The following LRFN3 variants were observed in gnomAD, a reference collection of about 807,000 sequenced individuals.
The protein encoded by LRFN3 is leucine rich repeat and fibronectin type III domain containing 3.
LRFN3 carries 8 observed loss-of-function variants against 23.8 expected under a neutral mutation model. The observed-to-expected ratio is 0.34, with a 90% CI of 0.20 to 0.61. LRFN3 has a LOEUF of 0.61. LRFN3 is among the 20% of genes least tolerant of loss of function. The probability of loss-of-function intolerance (pLI) is 0.80; values close to 1 mark genes in which losing one functional copy is unlikely to be tolerated. For missense variants in LRFN3, 736 were observed against 935.3 expected (o/e 0.79, Z 2.78); for synonymous variants, 451 against 450.6 (o/e 1.00, Z -0.01).
At position 35,937,170 on chromosome 19, in the gene LRFN3, A is replaced by G. The variant is rs903186257; in HGVS notation, c.-402A>G. The G allele has an allele frequency of 5.3e-5, 8 of 152,082 alleles. No homozygotes were observed. Among genetic ancestry groups the G allele is most frequent in the Admixed American group, 4.6e-4 (7 of 15,252 alleles). The allele number at this position is 152,082 out of a possible 1,614,324, so 9.4% of individuals were successfully genotyped here. ...GCCTGAAGTCCTTGCTGCAGACCTG[A>G]GTGCTTAAATCTGGGGCTTGAGACC... On this transcript the variant is annotated 5_prime_UTR_variant, in exon 1 of 3. Coordinates refer to ENST00000246529, the MANE Select transcript of LRFN3 (RefSeq NM_024509.2).
chr19:35,944,503 G>A lies in LRFN3; in HGVS notation c.1416-45G>A, dbSNP rs1976153573. The stretch of plus-strand genomic sequence containing the variant: ...GTTTGGTGGGGGAAGCACAGGTTGG[G>A]GGCTGGGCAGCCTGAGACCTGACCC... On this transcript the variant is annotated intron_variant, in intron 2 of 2. Coordinates refer to ENST00000246529, the MANE Select transcript of LRFN3 (RefSeq NM_024509.2). This position sits in a 1 kb window ranked among gnomAD's most constrained non-coding sequence, Gnocchi z 4.5. The A allele has an allele frequency of 7.5e-7, 1 of 1,338,792 alleles. No individual in the cohort carries two copies. The highest frequency in any genetic ancestry group is 2.9e-5 in the East Asian group (1 of 34,362). The allele number at this position is 1,338,792 out of a possible 1,614,324, so 82.9% of individuals were successfully genotyped here.
At chr19:35,942,770 C>T (rs998393443) in intron 2 of LRFN3, among the ~76,000 whole-genome samples, 1 of 152,206 alleles carries the variant, frequency 6.6e-6, no homozygotes, top group African/African-American at 2.4e-5. Context: ...GGCTTAACCC[C>T]TATAATCCCA....
At position 35,944,962 on chromosome 19, in the gene LRFN3, C is replaced by G. The variant is rs776812800; in HGVS notation, c.1830C>G (p.Thr610=). 2 of 1,443,532 alleles carry G rather than the reference C, an allele frequency of 1.4e-6. No homozygotes were observed. Among genetic ancestry groups the G allele is most frequent in the Non-Finnish European group, 1.8e-6 (2 of 1,111,030 alleles). 89.4% of individuals were successfully genotyped at this position (1,443,532 alleles called of 1,614,324 possible). Residue 610 remains threonine (T), a synonymous_variant, in exon 3 of 3, where the codon ACC becomes ACG. Transcript: ENST00000246529. This position sits in a 1 kb window ranked among gnomAD's most constrained non-coding sequence, Gnocchi z 4.5. ...AGCCCGCGGCGCTCAGGGCCCACAC[C>G]GTGGTCCAGCTGGACTGCGAGCCCT... ...APEPAALRAH[T]VVQLDCEPWG...
Position 35,937,094 on chromosome 19 carries a change from A to G in LRFN3, c.-478A>G, listed in dbSNP as rs907817919. ...CCTGAACCCTGGGATTCAGGCCTCA[A>G]ATTCCAAGATCTGGACTGTGGGATT... On this transcript the variant is annotated 5_prime_UTR_variant, in exon 1 of 3. Coordinates refer to ENST00000246529, the MANE Select transcript of LRFN3 (RefSeq NM_024509.2). 1 of 152,082 alleles carries G rather than the reference A, an allele frequency of 6.6e-6. No individual in the cohort carries two copies. Among genetic ancestry groups the G allele is most frequent in the African/African-American group, 2.4e-5 (1 of 41,416 alleles). 9.4% of individuals were successfully genotyped at this position (152,082 alleles called of 1,614,324 possible).
At chr19:35,941,714 G>C (rs1450108715) in intron 2 of LRFN3, among the ~76,000 whole-genome samples, 2 of 151,982 alleles carry the variant, frequency 1.3e-5, no homozygotes, top group Non-Finnish European at 2.9e-5. Context: ...GATTACAGAC[G>C]TGCACCAGCA....
Position 35,940,166 on chromosome 19 carries a change from C to G in LRFN3, c.741C>G (p.Gly247=). 6.2e-7 allele frequency: 1 copy of G among 1,610,462 alleles called. No individual in the cohort carries two copies. Among genetic ancestry groups the G allele is most frequent in the African/African-American group, 1.3e-5 (1 of 75,048 alleles). ...CCTCTGCCCTGGTGCTGGCCTTTGG[C>G]GGGAACCCCCTGCACTGCAACTGCG... ...SPASALVLAF[G]GNPLHCNCEL... The change falls in exon 2 of 3, where the codon GGC becomes GGG. Residue 247 remains glycine (G), a synonymous_variant. Transcript: ENST00000246529.
At position 35,945,070 on chromosome 19, in the gene LRFN3, C is replaced by G; in HGVS notation, c.*51C>G. ...CTCTGGCCCCACGGACAGCAGGACC[C>G]GGACACCCTGTGGGACCTGGCCTCA... On this transcript the variant is annotated 3_prime_UTR_variant, in exon 3 of 3. Transcript: ENST00000246529. 3.5e-6 allele frequency: 4 copies of G among 1,137,898 alleles called. No homozygotes were observed. Among genetic ancestry groups the G allele is most frequent in the Non-Finnish European group, 4.6e-6 (4 of 861,552 alleles). 70.5% of individuals were successfully genotyped at this position (1,137,898 alleles called of 1,614,324 possible). A position where few individuals can be genotyped will look rare whatever the true frequency, so the allele number is the denominator to read the frequency against.
rs76374897 is a variant in LRFN3, at chr19:35,944,777, G to T, written c.1645G>T (p.Ala549Ser). 7.7e-4 allele frequency: 1,237 copies of T among 1,610,890 alleles called. 7 individuals carry two copies. The African/African-American group carries it at 0.014, about 18-fold the overall frequency. ...CATCGCGCTGGGCGGCGTCATCGTAGCCTCGGTACTGGTCTTCATCTTCGT... is the reference window on the plus strand; with the variant it reads ...CATCGCGCTGGGCGGCGTCATCGTATCCTCGGTACTGGTCTTCATCTTCGT... ...MIIALGGVIV[A>S]SVLVFIFVLL... The change falls in exon 3 of 3, where the codon GCC (alanine) becomes TCC (serine). Residue 549 changes from alanine to serine, a missense_variant. Coordinates refer to ENST00000246529, the MANE Select transcript of LRFN3 (RefSeq NM_024509.2). This position sits in a 1 kb window ranked among gnomAD's most constrained non-coding sequence, Gnocchi z 4.5.
At position 35,939,654 on chromosome 19, in the gene LRFN3, C is replaced by A; in HGVS notation, c.229C>A (p.Arg77Ser). The change falls in exon 2 of 3, where the codon CGC becomes AGC. Residue 77 changes from arginine to serine, a missense_variant. This residue lies in a region of LRFN3 where 446 missense variants were observed against 647.9 expected (regional missense o/e 0.69). Coordinates refer to ENST00000246529, the MANE Select transcript of LRFN3 (RefSeq NM_024509.2). The surrounding 1 kb of genome is among the most constrained non-coding windows in gnomAD (Gnocchi z 6.4). The stretch of plus-strand genomic sequence containing the variant: ...CAACTTCATCGCCTCCGTGCGCCGC[C>A]GCGACCTGGCCAACATGACAGGCCT... Reference protein sequence around the residue: ...ADNFIASVRRRDLANMTGLLH... With the variant: ...ADNFIASVRRSDLANMTGLLH... 1 of 1,608,326 alleles carries A rather than the reference C, an allele frequency of 6.2e-7. No homozygotes were observed.
rs764145798 is a variant in LRFN3 at position 35,944,653 on chromosome 19, C to G, written c.1521C>G (p.Leu507=). Residue 507 remains leucine, a synonymous_variant, in exon 3 of 3, where the codon CTC becomes CTG. Transcript: ENST00000246529. This position sits in a 1 kb window ranked among gnomAD's most constrained non-coding sequence, Gnocchi z 4.5. ...LAVYEDSATG[L]TATRPVGCAR... ...TGTATGAGGACAGCGCCACGGGGCT[C>G]ACGGCCACGCGGCCTGTGGGCTGCG... 6 of 1,594,576 alleles carry G rather than the reference C, an allele frequency of 3.8e-6. No homozygotes were observed. The South Asian group carries it at 4.5e-5, about 12-fold the overall frequency.
intron 1 of LRFN3, among the ~76,000 whole-genome samples, chr19:35,937,808 C>T (rs542041896): frequency 3.9e-5 from 6 of 152,304 alleles, no homozygotes; most frequent in South Asian, 2.1e-4. Flanking sequence ...TACAGCCTTT[C>T]GCTGTCTATC....
In LRFN3 at chr19:35,939,530, G is replaced by C. The variant is rs1976091825; in HGVS notation, c.105G>C (p.Gln35His). ...CATGTCCCCGCCGCTGCCGCTGCCA[G>C]ACACAGTCGCTGCCCCTAAGCGTGC... ...PSPCPRRCRC[Q>H]TQSLPLSVLC... Residue 35 changes from glutamine to histidine, a missense_variant, in exon 2 of 3, where the codon CAG (glutamine) becomes CAC (histidine). This residue lies in a region of LRFN3 where 446 missense variants were observed against 647.9 expected (regional missense o/e 0.69). Coordinates refer to ENST00000246529, the MANE Select transcript of LRFN3 (RefSeq NM_024509.2). The surrounding 1 kb of genome is among the most constrained non-coding windows in gnomAD (Gnocchi z 6.4). The C allele has an allele frequency of 1.2e-6, 2 of 1,607,904 alleles. No homozygotes were observed. The highest frequency in any genetic ancestry group is 8.5e-7 in the Non-Finnish European group (1 of 1,179,360).
chr19:35,939,743 G>A lies in LRFN3; in HGVS notation c.318G>A (p.Leu106=), dbSNP rs1367809110. The A allele has an allele frequency of 6.2e-7, 1 of 1,604,054 alleles. No homozygotes were observed. The highest frequency in any genetic ancestry group is 8.5e-7 in the Non-Finnish European group (1 of 1,178,706). The change falls in exon 2 of 3, where the codon CTG becomes CTA. Residue 106 remains leucine, a synonymous_variant. Coordinates refer to ENST00000246529, the MANE Select transcript of LRFN3 (RefSeq NM_024509.2). The surrounding 1 kb of genome is among the most constrained non-coding windows in gnomAD (Gnocchi z 6.4). ...TGGCTGCCGGCGCCTTCGCCGACCT[G>A]CGGGCCCTGCGTGCCCTGCACCTGG... ...RHVAAGAFAD[L]RALRALHLDG...
In LRFN3 at chr19:35,944,946, C is replaced by T; in HGVS notation, c.1814C>T (p.Ala605Val). The T allele has an allele frequency of 1.1e-5, 17 of 1,484,480 alleles. No homozygotes were observed. The highest frequency in any genetic ancestry group is 2.5e-5 in the East Asian group (1 of 39,266). The allele number at this position is 1,484,480 out of a possible 1,614,324, so 92.0% of individuals were successfully genotyped here. A position where few individuals can be genotyped will look rare whatever the true frequency, so the allele number is the denominator to read the frequency against. The change falls in exon 3 of 3, where the codon GCG (alanine) becomes GTG (valine). Residue 605 changes from alanine (A) to valine (V), a missense_variant. Ala to Val is a moderately conservative substitution (Grantham distance 64, BLOSUM62 0). This residue lies in a region of LRFN3 where 290 missense variants were observed against 287.4 expected (regional missense o/e 1.01). Coordinates refer to ENST00000246529, the MANE Select transcript of LRFN3 (RefSeq NM_024509.2). This position sits in a 1 kb window ranked among gnomAD's most constrained non-coding sequence, Gnocchi z 4.5. ...GCCCCGCCCGCCCCGGAGCCCGCGG[C>T]GCTCAGGGCCCACACCGTGGTCCAG... ...TPAPPAPEPA[A>V]LRAHTVVQLD...
At position 35,940,161 on chromosome 19, in the gene LRFN3, T is replaced by A. The variant is rs754683298; in HGVS notation, c.736T>A (p.Phe246Ile). 14 of 1,610,814 alleles carry A rather than the reference T, an allele frequency of 8.7e-6. No homozygotes were observed. In the South Asian group the frequency reaches 1.5e-4, roughly 18 times the overall value. Reference sequence around the variant, plus strand: ...GCCCGCCTCTGCCCTGGTGCTGGCCTTTGGCGGGAACCCCCTGCACTGCAA... The same window carrying A: ...GCCCGCCTCTGCCCTGGTGCTGGCCATTGGCGGGAACCCCCTGCACTGCAA... ...GSPASALVLA[F>I]GGNPLHCNCE... Residue 246 changes from phenylalanine to isoleucine, a missense_variant, in exon 2 of 3, where the codon TTT (phenylalanine) becomes ATT (isoleucine). By Grantham distance (21) the Phe-to-Ile change is conservative. Around this residue, in one of 2 missense-constraint regions of LRFN3, gnomAD observed 446 missense variants for 647.9 expected, o/e 0.69. Coordinates refer to ENST00000246529, the MANE Select transcript of LRFN3 (RefSeq NM_024509.2).
At position 35,944,747 on chromosome 19, in the gene LRFN3, A is replaced by ATGATCATCGCGC; in HGVS notation, c.1618_1629dup (p.Ile540_Leu543dup). The ATGATCATCGCGC allele has an allele frequency of 6.2e-7, 1 of 1,608,554 alleles. No individual in the cohort carries two copies. The highest frequency in any genetic ancestry group is 8.5e-7 in the Non-Finnish European group (1 of 1,177,802). On this transcript the variant is annotated inframe_insertion, in exon 3 of 3. Coordinates refer to ENST00000246529, the MANE Select transcript of LRFN3 (RefSeq NM_024509.2). This position sits in a 1 kb window ranked among gnomAD's most constrained non-coding sequence, Gnocchi z 4.5. ...GCACGCTCCCTTCCTGGGCGGCACG[A>ATGATCATCGCGC]TGATCATCGCGCTGGGCGGCGTCAT...
In LRFN3 at chr19:35,939,729, G is replaced by A. The variant is rs1255358039; in HGVS notation, c.304G>A (p.Ala102Thr). The A allele has an allele frequency of 4.4e-6, 7 of 1,603,526 alleles. No individual in the cohort carries two copies. Among genetic ancestry groups the A allele is most frequent in the Non-Finnish European group, 5.1e-6 (6 of 1,177,960 alleles). The change falls in exon 2 of 3, where the codon GCC becomes ACC. Residue 102 changes from alanine (A) to threonine (T), a missense_variant. Coordinates refer to ENST00000246529, the MANE Select transcript of LRFN3 (RefSeq NM_024509.2). The surrounding 1 kb of genome is among the most constrained non-coding windows in gnomAD (Gnocchi z 6.4). ...RNTIRHVAAG[A>T]FADLRALRAL... ...CACCATCCGCCACGTGGCTGCCGGC[G>A]CCTTCGCCGACCTGCGGGCCCTGCG...
rs1298611086 is a variant in LRFN3 at position 35,946,060 on chromosome 19, TG to T, written c.*1045del. ...GTTATGGAGCTGCGGGGCCATGGGG[TG>T]GGGCAGGAAGATGGTGGGGACTGCC... On this transcript the variant is annotated 3_prime_UTR_variant, in exon 3 of 3. Coordinates refer to ENST00000246529, the MANE Select transcript of LRFN3 (RefSeq NM_024509.2). Among the ~76,000 whole-genome samples the T allele has an allele frequency of 1.3e-5, 2 of 151,102 alleles. No homozygotes were observed. Among genetic ancestry groups the T allele is most frequent in the South Asian group, 2.1e-4 (1 of 4,766 alleles).
rs894739247 is a variant in LRFN3, at chr19:35,937,508, A to C, written c.-64A>C. 6.6e-6 allele frequency: 1 copy of C among 152,318 alleles called. No individual in the cohort carries two copies. The allele number at this position is 152,318 out of a possible 1,614,324, so 9.4% of individuals were successfully genotyped here. A position where few individuals can be genotyped will look rare whatever the true frequency, so the allele number is the denominator to read the frequency against. ...GCTCCCTCCAGAGCCCTGACCTCTGACTCCCCTGGAGCTAGGACTCTGCTC... is the reference window on the plus strand; with the variant it reads ...GCTCCCTCCAGAGCCCTGACCTCTGCCTCCCCTGGAGCTAGGACTCTGCTC... On this transcript the variant is annotated 5_prime_UTR_variant, in exon 1 of 3. It removes the in-frame stop codon of an upstream open reading frame in the 5' UTR. Coordinates refer to ENST00000246529, the MANE Select transcript of LRFN3 (RefSeq NM_024509.2).
Sources: allele counts gnomAD v4.1 joint callset (sites outside exome capture counted in the v4.1 genomes callset), GRCh38; gene constraint gnomAD v4.1.1; regional missense constraint gnomAD v4.1.1; non-coding constraint Gnocchi (gnomAD v3.1); transcripts MANE v1.5; gene names NCBI Gene and HGNC (gene_info 2026-07-23, HGNC 2026-07-21).